CUL2: variants seen among roughly 807,000 people sequenced by gnomAD.
CUL2 encodes the protein cullin-2.
CUL2 carries 22 observed loss-of-function variants against 110.2 expected under a neutral mutation model. The ratio of observed to expected loss-of-function variants is 0.20; its 90% confidence interval spans 0.14 to 0.28. The LOEUF is 0.28. Among genes scored for constraint, CUL2 ranks in the 10% least tolerant of loss-of-function variants. CUL2 has a pLI of 1.00. For missense variants in CUL2, 631 were observed against 905.5 expected (o/e 0.70, Z 3.89); for synonymous variants, 279 against 293.2 (o/e 0.95, Z 0.49).
Position 35,038,976 on chromosome 10 carries a change from T to C in CUL2, c.821A>G (p.His274Arg), listed in dbSNP as rs2085706503. ...ACATTCTGCATGTAAAAACTGTAAG[T>C]GGTCTGCTACCATTCGTTGTTGACA... ...HECQQRMVAD[H>R]LQFLHAECHN... Residue 274 changes from histidine (H) to arginine (R), a missense_variant, in exon 9 of 21, where the codon CAC (histidine) becomes CGC (arginine). His to Arg is a conservative substitution (Grantham distance 29, BLOSUM62 0). Coordinates refer to ENST00000374749, the MANE Select transcript of CUL2 (RefSeq NM_003591.4). The C allele has an allele frequency of 1.2e-6, 2 of 1,609,756 alleles. No individual in the cohort carries two copies. Among genetic ancestry groups the C allele is most frequent in the Non-Finnish European group, 1.7e-6 (2 of 1,177,642 alleles).
At position 35,029,046 on chromosome 10, in the gene CUL2, C is replaced by T. The variant is rs532438739; in HGVS notation, c.1540-159G>A. 6.1e-4 allele frequency among the ~76,000 whole-genome samples: 92 copies of T among 149,600 alleles called. 1 individual carries two copies. Among genetic ancestry groups the T allele is most frequent in the South Asian group, 2.3e-3 (11 of 4,728 alleles). ...TATCATGGCACATTTCATTCCAAAC[C>T]AATAGGACCTTTTTTTGTTTTTTTT... On this transcript the variant is annotated intron_variant, in intron 15 of 20. Coordinates refer to ENST00000374749, the MANE Select transcript of CUL2 (RefSeq NM_003591.4).
At chr10:35,054,107 T>C (rs1297768059) in intron 5 of CUL2, among the ~76,000 whole-genome samples, 1 of 152,200 alleles carries the variant, frequency 6.6e-6, no homozygotes, top group Non-Finnish European at 1.5e-5. Flanking sequence ...TCCTCTCCTC[T>C]AGCCTGTCTT....
intron 8 of CUL2, among the ~76,000 whole-genome samples, chr10:35,041,671 T>A (rs940863497): frequency 1.3e-5 from 2 of 152,120 alleles, no homozygotes; most frequent in Non-Finnish European, 2.9e-5. Context: ...CCAAGAGCTA[T>A]GACCAGACGA....
intron 14 of CUL2, among the ~76,000 whole-genome samples, chr10:35,030,847 G>T (rs2085464819): frequency 6.6e-6 from 1 of 151,932 alleles, no homozygotes; most frequent in Admixed American, 6.6e-5. Flanking sequence ...GGGCAACATA[G>T]TGAGACCCTA....
chr10:35,123,412 T>C (rs1384616602), intron 1 of CUL2, among the ~76,000 whole-genome samples: 1 of 151,884 alleles, frequency 6.6e-6, no homozygotes, highest in African/African-American at 2.4e-5. Context: ...CAGAGCTGTA[T>C]CTAAGGAAAA....
intron 5 of CUL2, among the ~76,000 whole-genome samples, chr10:35,050,100 A>T (rs1267926182): frequency 6.6e-6 from 1 of 152,162 alleles, no homozygotes; most frequent in Non-Finnish European, 1.5e-5. Flanking sequence ...AGGTGGGCAC[A>T]TCACGAGGTC....
intron 1 of CUL2, chr10:35,079,785 T>A (rs1290111993): frequency 1.3e-5 from 2 of 154,808 alleles, no homozygotes; most frequent in African/African-American, 2.4e-5. Flanking sequence ...GCCTCTCTGG[T>A]GTATCCATAT....
At chr10:35,073,753 T>C (rs61104795) in intron 1 of CUL2, among the ~76,000 whole-genome samples, 51,071 of 151,798 alleles carry the variant, frequency 0.34, 8,612 homozygotes, top group South Asian at 0.35. Context: ...TACAGGCGTC[T>C]GCCACCACAC....
chr10:35,034,470 G>A (rs1163704552), intron 10 of CUL2, among the ~76,000 whole-genome samples: 2 of 152,174 alleles, frequency 1.3e-5, no homozygotes, highest in Non-Finnish European at 2.9e-5. Context: ...TCTAAAAAGT[G>A]CTCCTGAACA....
chr10:35,040,612 G>A (rs1344883907), intron 8 of CUL2, among the ~76,000 whole-genome samples: 1 of 152,286 alleles, frequency 6.6e-6, no homozygotes, highest in East Asian at 1.9e-4. Flanking sequence ...TTTGAAGCCA[G>A]GAGTTCAGGG....
At chr10:35,096,485 T>C (rs1477285314) in intron 2 of CUL2, among the ~76,000 whole-genome samples, 2 of 152,058 alleles carry the variant, frequency 1.3e-5, no homozygotes, top group Non-Finnish European at 2.9e-5. Context: ...TGGTGGTGCA[T>C]GCCTGTAGTC....
At chr10:35,087,768 A>T (rs2087099515) in intron 1 of CUL2, among the ~76,000 whole-genome samples, 1 of 152,190 alleles carries the variant, frequency 6.6e-6, no homozygotes, top group Non-Finnish European at 1.5e-5. Flanking sequence ...AACCCTCCAC[A>T]GCCACTGCTC....
intron 8 of CUL2, among the ~76,000 whole-genome samples, chr10:35,039,791 G>A (rs545549970): frequency 2.6e-4 from 40 of 152,288 alleles, no homozygotes; most frequent in African/African-American, 9.6e-4. Flanking sequence ...GGAGGTGGGG[G>A]TTGTAACGAG....
At chr10:35,072,519 C>A (rs1589035280) in intron 1 of CUL2, among the ~76,000 whole-genome samples, 1 of 152,256 alleles carries the variant, frequency 6.6e-6, no homozygotes, top group African/African-American at 2.4e-5. Context: ...CAGGCGCCCG[C>A]CACCATGCCC....
chr10:35,046,329 T>C (rs1472587421), intron 6 of CUL2, among the ~76,000 whole-genome samples: 1 of 152,210 alleles, frequency 6.6e-6, no homozygotes, highest in Non-Finnish European at 1.5e-5. Context: ...GTTCTGCTTA[T>C]GGTGGAAGAA....
intron 9 of CUL2, among the ~76,000 whole-genome samples, chr10:35,038,570 T>A (rs1190833920): frequency 2.0e-5 from 3 of 149,864 alleles, no homozygotes; most frequent in Non-Finnish European, 4.4e-5. Flanking sequence ...GCTGATTTTT[T>A]ATATTATATA....
intron 19 of CUL2, among the ~76,000 whole-genome samples, chr10:35,012,885 G>C (rs1459881782): frequency 1.3e-5 from 2 of 152,140 alleles, no homozygotes; most frequent in Non-Finnish European, 2.9e-5. Flanking sequence ...TCACTGCTGA[G>C]TTAAAATAAT....
intron 1 of CUL2, chr10:35,074,123 A>G: frequency 4.2e-6 from 6 of 1,443,996 alleles, no homozygotes; most frequent in Non-Finnish European, 5.6e-6. Flanking sequence ...CAGTGGACAA[A>G]ACAAAGTTCT....
At chr10:35,121,510 C>T (rs1478825309) in intron 1 of CUL2, among the ~76,000 whole-genome samples, 2 of 152,206 alleles carry the variant, frequency 1.3e-5, no homozygotes, top group Admixed American at 6.5e-5. Context: ...ACACTTTATG[C>T]AGTACTAGGA....
Sources: allele counts gnomAD v4.1 joint callset (sites outside exome capture counted in the v4.1 genomes callset), GRCh38; gene constraint gnomAD v4.1.1; transcripts MANE v1.5; gene names NCBI Gene and HGNC (gene_info 2026-07-23, HGNC 2026-07-21).